The following ERI3 variants were observed in gnomAD, a reference collection of about 807,000 sequenced individuals.
The protein encoded by ERI3 is ERI1 exoribonuclease family member 3, also known as ERI1 exoribonuclease 3.
ERI3 carries 18 observed loss-of-function variants against 44.4 expected under a neutral mutation model. The observed-to-expected ratio is 0.41, with a 90% CI of 0.28 to 0.60. The LOEUF is 0.60. Among genes scored for constraint, ERI3 ranks in the 20% least tolerant of loss-of-function variants. The pLI, the probability that ERI3 is intolerant of heterozygous loss-of-function variation, is 0.36. For missense variants in ERI3, 294 were observed against 435.5 expected (o/e 0.68, Z 2.89); for synonymous variants, 183 against 164.8 (o/e 1.11, Z -0.84).
At chr1:44,272,459 A>G (rs1369805141) in intron 7 of ERI3, among the ~76,000 whole-genome samples, 1 of 152,216 alleles carries the variant, frequency 6.6e-6, no homozygotes, top group Non-Finnish European at 1.5e-5. Flanking sequence ...CTCAGCGTAT[A>G]TACCATGTAT....
chr1:44,284,097 A>AG, intron 7 of ERI3: 1 of 470,652 alleles, frequency 2.1e-6, no homozygotes, highest in East Asian at 7.0e-5. Flanking sequence ...TATGGGGGTG[A>AG]GTCTCCCTAG....
chr1:44,322,939 A>G, intron 3 of ERI3: 1 of 1,432,716 alleles, frequency 7.0e-7, no homozygotes, highest in African/African-American at 1.4e-5. Flanking sequence ...ATTAATCCCA[A>G]CACAAAGATT....
chr1:44,231,170 A>G (rs1308989951), intron 8 of ERI3, among the ~76,000 whole-genome samples: 2 of 152,234 alleles, frequency 1.3e-5, no homozygotes, highest in African/African-American at 4.8e-5. Flanking sequence ...GACCCATCAC[A>G]TGAGGTCAGG....
chr1:44,311,727 A>G (rs1331297782), intron 5 of ERI3, among the ~76,000 whole-genome samples: 1 of 151,974 alleles, frequency 6.6e-6, no homozygotes, highest in Non-Finnish European at 1.5e-5. Context: ...GATCCCAGCT[A>G]CAGATGTTCC....
At chr1:44,270,377 C>T (rs948421426) in intron 7 of ERI3, among the ~76,000 whole-genome samples, 1 of 152,182 alleles carries the variant, frequency 6.6e-6, no homozygotes, top group African/African-American at 2.4e-5. Context: ...TCCCTTTCCT[C>T]AAGTGGCTTG....
At chr1:44,248,977 C>CT (rs1270285564) in intron 7 of ERI3, among the ~76,000 whole-genome samples, 2 of 152,078 alleles carry the variant, frequency 1.3e-5, no homozygotes, top group African/African-American at 4.8e-5. Context: ...CTTACAGTCC[C>CT]TTTTAGCCAT....
In ERI3 at chr1:44,241,948, C is replaced by G. The variant is rs1043008920; in HGVS notation, c.931+5991G>C. ...CTAGCCATTCTTCCATCTATGGTTGCTACTGAAGAACAGTCTGGTGTCTGG... is the reference window on the plus strand; with the variant it reads ...CTAGCCATTCTTCCATCTATGGTTGGTACTGAAGAACAGTCTGGTGTCTGG... On this transcript the variant is annotated intron_variant, in intron 8 of 8. Transcript: ENST00000372257. The surrounding 1 kb of genome is among the most constrained non-coding windows in gnomAD (Gnocchi z 5.6). The G allele has an allele frequency of 1.0e-6, 1 of 985,774 alleles. No homozygotes were observed. The highest frequency in any genetic ancestry group is 1.2e-6 in the Non-Finnish European group (1 of 829,970). 61.1% of individuals were successfully genotyped at this position (985,774 alleles called of 1,614,324 possible). A position where few individuals can be genotyped will look rare whatever the true frequency, so the allele number is the denominator to read the frequency against.
At chr1:44,248,876 G>GC (rs1461939341) in intron 7 of ERI3, among the ~76,000 whole-genome samples, 2 of 151,886 alleles carry the variant, frequency 1.3e-5, no homozygotes, top group Non-Finnish European at 2.9e-5. Context: ...GCACTCCATT[G>GC]CCCCCCCTCC....
At chr1:44,349,778 T>G (rs1646855161) in intron 2 of ERI3, among the ~76,000 whole-genome samples, 1 of 152,198 alleles carries the variant, frequency 6.6e-6, no homozygotes, top group Non-Finnish European at 1.5e-5. Flanking sequence ...TTATCTCCAT[T>G]TTACAGATAG....
At chr1:44,298,915 A>G (rs1429876062) in intron 6 of ERI3, among the ~76,000 whole-genome samples, 10 of 152,224 alleles carry the variant, frequency 6.6e-5, no homozygotes, top group Non-Finnish European at 1.3e-4. Context: ...GTCAGACACA[A>G]AAGAGTATGC....
At chr1:44,251,067 G>T (rs1644669007) in intron 7 of ERI3, among the ~76,000 whole-genome samples, 2 of 152,276 alleles carry the variant, frequency 1.3e-5, no homozygotes, top group Middle Eastern at 6.8e-3. Flanking sequence ...CTGCCATCTT[G>T]GGTACTGCTT....
At chr1:44,277,921 T>C (rs1645210984) in intron 7 of ERI3, among the ~76,000 whole-genome samples, 1 of 152,188 alleles carries the variant, frequency 6.6e-6, no homozygotes, top group Non-Finnish European at 1.5e-5. Flanking sequence ...CCATAGCGTC[T>C]AGCACAGCAC....
intron 3 of ERI3, among the ~76,000 whole-genome samples, chr1:44,337,371 A>G (rs1451230757): frequency 6.6e-6 from 1 of 152,242 alleles, no homozygotes; most frequent in East Asian, 1.9e-4. Context: ...ACATATTAAG[A>G]TTTGGATCCC....
At chr1:44,331,740 A>G (rs1646434584) in intron 3 of ERI3, among the ~76,000 whole-genome samples, 1 of 152,150 alleles carries the variant, frequency 6.6e-6, no homozygotes. Context: ...GTTTTTCCAG[A>G]CTTAGGCCAT....
At chr1:44,354,562 C>T (rs367717118) in intron 1 of ERI3, 1 of 985,418 alleles carries the variant, frequency 1.0e-6, no homozygotes. Context: ...AGGTAAACTG[C>T]TAACCTGGTG....
In ERI3 at chr1:44,286,649, C is replaced by G. The variant is rs72891767; in HGVS notation, c.759-1742G>C. Among the ~76,000 whole-genome samples, 986 of 152,266 alleles carry G rather than the reference C, an allele frequency of 6.5e-3. 10 individuals are homozygous for G. The highest frequency in any genetic ancestry group is 0.023 in the African/African-American group (952 of 41,532). On this transcript the variant is annotated intron_variant, in intron 6 of 8. Coordinates refer to ENST00000372257, the MANE Select transcript of ERI3 (RefSeq NM_024066.3). Reference sequence around the variant, plus strand: ...ACCCCCATCAGACCATCATCACACACAAGGACCTCACTTCATGAAGCGGCC... The same window carrying G: ...ACCCCCATCAGACCATCATCACACAGAAGGACCTCACTTCATGAAGCGGCC...
chr1:44,286,550 A>C (rs956964915), intron 6 of ERI3, among the ~76,000 whole-genome samples: 2 of 152,204 alleles, frequency 1.3e-5, no homozygotes, highest in Non-Finnish European at 2.9e-5. Flanking sequence ...CCCGGGGAAC[A>C]GAATAGAGCG....
intron 7 of ERI3, among the ~76,000 whole-genome samples, chr1:44,250,165 T>A (rs148753309): frequency 1.3e-3 from 191 of 152,348 alleles, no homozygotes; most frequent in African/African-American, 4.1e-3. Context: ...TCGAAGGTGA[T>A]CCTGCTTTAT....
chr1:44,242,934 G>A lies in ERI3; in HGVS notation c.931+5005C>T, dbSNP rs558797781. Among the ~76,000 whole-genome samples the A allele has an allele frequency of 8.7e-4, 133 of 152,344 alleles. 5 individuals carry two copies. In the South Asian group the frequency reaches 0.022, roughly 25 times the overall value. On this transcript the variant is annotated intron_variant, in intron 8 of 8. Transcript: ENST00000372257. ...GCCCAGTGAGCGTGGCGGCAGAGGC[G>A]GCAGAGAAAAGGCTGTCACTGTCCT...
Sources: allele counts gnomAD v4.1 joint callset (sites outside exome capture counted in the v4.1 genomes callset), GRCh38; gene constraint gnomAD v4.1.1; non-coding constraint Gnocchi (gnomAD v3.1); transcripts MANE v1.5; gene names NCBI Gene and HGNC (gene_info 2026-07-23, HGNC 2026-07-21).